The following COL21A1 variants were observed in gnomAD, a reference collection of about 807,000 sequenced individuals.
COL21A1 encodes collagen type XXI alpha 1 chain.
A neutral mutation model predicts 137.9 loss-of-function variants in COL21A1; 149 were observed. The observed-to-expected ratio is 1.08, with a 90% CI of 0.95 to 1.24. The LOEUF (loss-of-function observed/expected upper bound fraction) is 1.24. COL21A1 is among the 50% of genes most tolerant of loss of function. The pLI, the probability that COL21A1 is intolerant of heterozygous loss-of-function variation, is 0.00. For synonymous variants in COL21A1, 456 were observed against 391.5 expected (o/e 1.16, Z -1.95); for missense variants, 1,167 against 1,158.4 (o/e 1.01, Z -0.11).
chr6:56,066,384 G>A (rs1381423864), intron 23 of COL21A1, among the ~76,000 whole-genome samples: 2 of 151,838 alleles, frequency 1.3e-5, no homozygotes, highest in Admixed American at 1.3e-4. Flanking sequence ...GAAATTTTCT[G>A]TTACGATTCC....
At chr6:56,200,703 T>G (rs951716853) in intron 1 of COL21A1, among the ~76,000 whole-genome samples, 1 of 152,102 alleles carries the variant, frequency 6.6e-6, no homozygotes, top group Non-Finnish European at 1.5e-5. Flanking sequence ...CAGTATATCA[T>G]TGTTGGACAT....
chr6:56,179,375 A>G (rs571137202), intron 3 of COL21A1, among the ~76,000 whole-genome samples: 37 of 152,292 alleles, frequency 2.4e-4, no homozygotes, highest in African/African-American at 8.4e-4. Context: ...TCTAAAAACC[A>G]AAATTTATCC....
chr6:56,090,473 AG>A (rs1280037166), intron 17 of COL21A1, among the ~76,000 whole-genome samples: 1 of 152,176 alleles, frequency 6.6e-6, no homozygotes, highest in Non-Finnish European at 1.5e-5. Context: ...TTTGTGTGTG[AG>A]GTCAAAATTA....
At chr6:56,149,051 C>T (rs1303150937) in intron 10 of COL21A1, among the ~76,000 whole-genome samples, 6 of 152,208 alleles carry the variant, frequency 3.9e-5, no homozygotes, top group Non-Finnish European at 8.8e-5. Context: ...CTATTACATA[C>T]ATTAATCCCT....
intron 10 of COL21A1, among the ~76,000 whole-genome samples, chr6:56,149,708 A>AAG (rs201088698): frequency 0.027 from 4,034 of 152,208 alleles, 104 homozygotes; most frequent in Middle Eastern, 0.068. Flanking sequence ...TATCCAATAG[A>AAG]TCAGCAAGTC....
At chr6:56,080,745 CCA>C (rs1767682855) in intron 17 of COL21A1, among the ~76,000 whole-genome samples, 1 of 151,640 alleles carries the variant, frequency 6.6e-6, no homozygotes, top group Non-Finnish European at 1.5e-5. Context: ...TATTTAATAT[CCA>C]GTTATCAAAA....
At chr6:56,164,864 A>C in intron 7 of COL21A1, 42 bp from the exon 8 acceptor site, 1 of 1,358,968 alleles carries the variant, frequency 7.4e-7, no homozygotes, top group Non-Finnish European at 1.0e-6. Context: ...TGTTTTAAAT[A>C]AAATTTATAA....
chr6:56,293,555 T>C (rs1419514182), intron 1 of COL21A1, among the ~76,000 whole-genome samples: 1 of 152,086 alleles, frequency 6.6e-6, no homozygotes, highest in African/African-American at 2.4e-5. Context: ...AAAAACCCAA[T>C]GTTAAACTGT....
chr6:56,204,300 A>C (rs1779609392), intron 1 of COL21A1, among the ~76,000 whole-genome samples: 2 of 152,046 alleles, frequency 1.3e-5, no homozygotes, highest in Admixed American at 6.6e-5. Context: ...AGGGGCATGC[A>C]ACATTGCTGA....
At chr6:56,122,838 T>C (rs1230473316) in intron 16 of COL21A1, among the ~76,000 whole-genome samples, 3 of 152,222 alleles carry the variant, frequency 2.0e-5, no homozygotes, top group Non-Finnish European at 4.4e-5. Context: ...GTCCCTTTCA[T>C]ACCATTCTAG....
intron 16 of COL21A1, among the ~76,000 whole-genome samples, chr6:56,110,722 T>C (rs908357524): frequency 6.6e-6 from 1 of 152,068 alleles, no homozygotes; most frequent in Non-Finnish European, 1.5e-5. Context: ...CAAAGTCTAT[T>C]TATGAGTATG....
intron 23 of COL21A1, among the ~76,000 whole-genome samples, chr6:56,066,248 T>A (rs1218629709): frequency 6.6e-6 from 1 of 151,978 alleles, no homozygotes; most frequent in Non-Finnish European, 1.5e-5. Flanking sequence ...AAAAATTGTC[T>A]AAAAAACAAC....
At chr6:56,205,250 A>G (rs931092846) in intron 1 of COL21A1, among the ~76,000 whole-genome samples, 15 of 152,194 alleles carry the variant, frequency 9.9e-5, no homozygotes, top group Non-Finnish European at 2.9e-5. Flanking sequence ...AAGGTTAGAC[A>G]AATTGATAAC....
At chr6:56,371,189 G>A (rs1192488848) in intron 1 of COL21A1, among the ~76,000 whole-genome samples, 1 of 152,170 alleles carries the variant, frequency 6.6e-6, no homozygotes, top group Non-Finnish European at 1.5e-5. Flanking sequence ...TCAAGTTGCT[G>A]TTTGAAAAGT....
chr6:56,346,496 T>C (rs1185086067), intron 1 of COL21A1, among the ~76,000 whole-genome samples: 3 of 152,234 alleles, frequency 2.0e-5, no homozygotes, highest in South Asian at 2.1e-4. Flanking sequence ...GAGAAATTAT[T>C]TGGCTCTACC....
At chr6:56,346,376 T>C (rs866756715) in intron 1 of COL21A1, among the ~76,000 whole-genome samples, 1 of 152,220 alleles carries the variant, frequency 6.6e-6, no homozygotes, top group African/African-American at 2.4e-5. Flanking sequence ...CTTTTGTTCA[T>C]TGTTTGTGCG....
chr6:56,288,848 C>T (rs1026748852), intron 1 of COL21A1, among the ~76,000 whole-genome samples: 2 of 152,188 alleles, frequency 1.3e-5, no homozygotes, highest in Admixed American at 1.3e-4. Context: ...TATCAATACT[C>T]ATAGCAATGA....
At chr6:56,302,833 G>C (rs1235060915) in intron 1 of COL21A1, among the ~76,000 whole-genome samples, 3 of 151,924 alleles carry the variant, frequency 2.0e-5, no homozygotes, top group Non-Finnish European at 4.4e-5. Context: ...GTATTGCCTA[G>C]GTTTTCTTCT....
intron 1 of COL21A1, among the ~76,000 whole-genome samples, chr6:56,334,962 G>C (rs2152344177): frequency 6.6e-6 from 1 of 152,178 alleles, no homozygotes; most frequent in Non-Finnish European, 1.5e-5. Flanking sequence ...GAACTTCCAG[G>C]CCTTCAGAAC....
Sources: allele counts gnomAD v4.1 joint callset (sites outside exome capture counted in the v4.1 genomes callset), GRCh38; gene constraint gnomAD v4.1.1; transcripts MANE v1.5; gene names NCBI Gene and HGNC (gene_info 2026-07-23, HGNC 2026-07-21).